The following GRM7 variants were observed in gnomAD, a reference collection of about 807,000 sequenced individuals.
The protein encoded by GRM7 is metabotropic glutamate receptor 7.
GRM7 carries 35 observed loss-of-function variants against 84.5 expected under a neutral mutation model. The ratio of observed to expected loss-of-function variants is 0.41; its 90% CI spans 0.32 to 0.55. GRM7 has a LOEUF of 0.55. Ranked by LOEUF, GRM7 falls within the 20% of genes least tolerant of loss-of-function variation. GRM7 has a pLI of 0.19. For synonymous variants in GRM7, 487 were observed against 455.1 expected, an observed-to-expected ratio of 1.07 and a Z score of -0.89; for missense variants, 1,003 against 1,194.6, an observed-to-expected ratio of 0.84 and a Z score of 2.36.
At chr3:7,350,280 A>C (rs533093047) in intron 4 of GRM7, among the ~76,000 whole-genome samples, 1 of 152,104 alleles carries the variant, frequency 6.6e-6, no homozygotes, top group Non-Finnish European at 1.5e-5. Context: ...TTCATGATCA[A>C]TTGTAATGCC....
intron 7 of GRM7, among the ~76,000 whole-genome samples, chr3:7,502,917 A>G (rs1324544569): frequency 1.3e-5 from 2 of 152,156 alleles, no homozygotes; most frequent in Non-Finnish European, 2.9e-5. Flanking sequence ...TGTGAGTCCA[A>G]GTGCCTAGAT....
At chr3:7,247,074 C>A (rs1267749432) in intron 2 of GRM7, among the ~76,000 whole-genome samples, 7 of 152,068 alleles carry the variant, frequency 4.6e-5, no homozygotes, top group Non-Finnish European at 1.0e-4. Flanking sequence ...TCTTTTCAAT[C>A]TATATTACTT....
chr3:6,888,496 C>A (rs1032748461), intron 1 of GRM7, among the ~76,000 whole-genome samples: 25 of 152,036 alleles, frequency 1.6e-4, no homozygotes, highest in Non-Finnish European at 3.1e-4. Context: ...GGAATCCTTT[C>A]CCCATTGCTT....
At chr3:6,915,429 A>G (rs1322795896) in intron 1 of GRM7, among the ~76,000 whole-genome samples, 1 of 152,158 alleles carries the variant, frequency 6.6e-6, no homozygotes, top group East Asian at 1.9e-4. Flanking sequence ...GGTCACTTGG[A>G]TGGCAGATAT....
chr3:7,202,279 T>A (rs1173027346), intron 2 of GRM7, among the ~76,000 whole-genome samples: 2 of 152,208 alleles, frequency 1.3e-5, no homozygotes, highest in African/African-American at 4.8e-5. Context: ...TTGCCATTCC[T>A]CAATTTCATA....
intron 2 of GRM7, among the ~76,000 whole-genome samples, chr3:7,252,462 A>C (rs1218475609): frequency 1.3e-5 from 2 of 152,098 alleles, no homozygotes; most frequent in African/African-American, 4.8e-5. Context: ...TCTGATGCTC[A>C]CGGTCCTTTG....
intron 1 of GRM7, among the ~76,000 whole-genome samples, chr3:7,098,116 C>A (rs1698921474): frequency 6.6e-6 from 1 of 152,056 alleles, no homozygotes; most frequent in Non-Finnish European, 1.5e-5. Context: ...AAATTCCTTA[C>A]AGTGGTCCCT....
intron 9 of GRM7, among the ~76,000 whole-genome samples, chr3:7,713,133 T>TTTG (rs1553640898): frequency 7.3e-6 from 1 of 137,276 alleles, no homozygotes; most frequent in Admixed American, 7.2e-5. Flanking sequence ...TGTTTTTTTT[T>TTTG]TTTTTTTTTT....
At chr3:7,350,045 G>C (rs987495409) in intron 4 of GRM7, among the ~76,000 whole-genome samples, 1 of 152,022 alleles carries the variant, frequency 6.6e-6, no homozygotes, top group African/African-American at 2.4e-5. Flanking sequence ...CACTTGATCC[G>C]TGTAGCAGGT....
intron 1 of GRM7, among the ~76,000 whole-genome samples, chr3:7,092,000 T>C (rs771078261): frequency 6.6e-6 from 1 of 151,738 alleles, no homozygotes; most frequent in Non-Finnish European, 1.5e-5. Flanking sequence ...ATTTTATTTA[T>C]TTATTATTTA....
chr3:7,229,745 ATATATATATATATATTT>A lies in GRM7; in HGVS notation c.737-68937_737-68921del, dbSNP rs1559514608. Among the ~76,000 whole-genome samples the A allele has an allele frequency of 1.0e-3, 31 of 30,880 alleles. 2 individuals are homozygous for A. The highest frequency in any genetic ancestry group is 3.7e-3 in the East Asian group (2 of 540). 20.3% of individuals were successfully genotyped at this position (30,880 alleles called of 152,430 possible). A position where few individuals can be genotyped will look rare whatever the true frequency, so the allele number is the denominator to read the frequency against. On this transcript the variant is annotated intron_variant, in intron 2 of 9. Transcript: ENST00000357716. ...CACACACATATATATATATATATATATATATATATATATATTTTTTTTTTTTTTTGGTTGACAGGTGT... is the reference window on the plus strand; with the variant it reads ...CACACACATATATATATATATATATATTTTTTTTTTTTGGTTGACAGGTGT...
chr3:7,387,997 T>A (rs750082816), intron 4 of GRM7, among the ~76,000 whole-genome samples: 1 of 152,170 alleles, frequency 6.6e-6, no homozygotes. Flanking sequence ...CTCATATAGA[T>A]CTTTTATCTC....
At chr3:7,186,575 C>G (rs17046956) in intron 2 of GRM7, among the ~76,000 whole-genome samples, 1 of 152,140 alleles carries the variant, frequency 6.6e-6, no homozygotes, top group African/African-American at 2.4e-5. Flanking sequence ...GATAATTCAA[C>G]TGTGCTGGTT....
chr3:7,327,827 A>G (rs1241046298), intron 4 of GRM7, among the ~76,000 whole-genome samples: 4 of 152,228 alleles, frequency 2.6e-5, no homozygotes, highest in African/African-American at 9.6e-5. Context: ...GCTGACCTTA[A>G]ACTCACCTAA....
In GRM7 at chr3:6,872,901, TGAGCAG is replaced by T. The variant is rs1695174007; in HGVS notation, c.519+10995_519+11000del. On this transcript the variant is annotated intron_variant, in intron 1 of 9. Transcript: ENST00000357716. ...GGGTTGTTCCAAGTCTTTGCTATTC[TGAGCAG>T]TGCTGCAATAAACATATGTGTGCAT... Among the ~76,000 whole-genome samples the T allele has an allele frequency of 3.3e-5, 5 of 152,354 alleles. No homozygotes were observed. In the South Asian group the frequency reaches 1.0e-3, roughly 32 times the overall value.
chr3:7,553,383 C>T (rs1378619579), intron 7 of GRM7, among the ~76,000 whole-genome samples: 1 of 152,220 alleles, frequency 6.6e-6, no homozygotes, highest in African/African-American at 2.4e-5. Flanking sequence ...ACTGTTCCAA[C>T]CTCTGCCTGT....
At chr3:6,964,150 G>A (rs1488873704) in intron 1 of GRM7, among the ~76,000 whole-genome samples, 2 of 152,138 alleles carry the variant, frequency 1.3e-5, no homozygotes, top group Non-Finnish European at 2.9e-5. Flanking sequence ...TTTTGACGCT[G>A]TTAAATATCT....
chr3:7,684,712 T>A (rs2125145127), intron 9 of GRM7, among the ~76,000 whole-genome samples: 1 of 152,252 alleles, frequency 6.6e-6, no homozygotes, highest in South Asian at 2.1e-4. Flanking sequence ...ATGTGTGGAA[T>A]AAACAAAAAG....
At chr3:7,510,723 T>C (rs926841068) in intron 7 of GRM7, among the ~76,000 whole-genome samples, 4 of 152,180 alleles carry the variant, frequency 2.6e-5, no homozygotes, top group African/African-American at 9.7e-5. Context: ...GAATAGTTTT[T>C]ACACTTACAA....
Sources: gnomAD v4.1 joint callset for allele counts (sites outside exome capture counted in the v4.1 genomes callset) on GRCh38, gnomAD v4.1.1 for gene constraint, MANE v1.5 for transcripts, NCBI Gene and HGNC (gene_info 2026-07-23, HGNC 2026-07-21) for gene names.